PRKD1: variants seen among roughly 807,000 people sequenced by gnomAD.
PRKD1 encodes protein kinase D1, also known as serine/threonine-protein kinase D1.
PRKD1 carries 63 observed loss-of-function variants against 95.9 expected under a neutral mutation model. That is an observed-to-expected ratio of 0.66 (90% CI 0.54 to 0.81). The LOEUF is 0.81. Ranked by LOEUF, PRKD1 falls within the 30% of genes least tolerant of loss-of-function variation. PRKD1 has a pLI of 0.00. For missense variants in PRKD1, 1,048 were observed against 1,165.3 expected (o/e 0.90, Z 1.47); for synonymous variants, 425 against 423.1 (o/e 1.00, Z -0.05).
intron 13 of PRKD1, among the ~76,000 whole-genome samples, chr14:29,616,793 T>A (rs1878897591): frequency 6.6e-6 from 1 of 152,186 alleles, no homozygotes; most frequent in African/African-American, 2.4e-5. Context: ...ATTTCACACC[T>A]TTTTAAAATA....
At chr14:29,773,444 A>G (rs763111678) in intron 1 of PRKD1, among the ~76,000 whole-genome samples, 19 of 146,518 alleles carry the variant, frequency 1.3e-4, no homozygotes, top group Non-Finnish European at 2.7e-4. Context: ...TGGATGACAG[A>G]GCGAGGCTCT....
At chr14:29,617,555 G>A (rs569062423) in intron 13 of PRKD1, among the ~76,000 whole-genome samples, 3 of 152,080 alleles carry the variant, frequency 2.0e-5, no homozygotes, top group Admixed American at 2.0e-4. Flanking sequence ...CTCTAGTATT[G>A]TTCTAGTATC....
At chr14:29,909,773 G>A (rs1458199227) in intron 1 of PRKD1, among the ~76,000 whole-genome samples, 4 of 152,050 alleles carry the variant, frequency 2.6e-5, no homozygotes, top group African/African-American at 7.2e-5. Context: ...TGGGGACTTG[G>A]AGAATCTTTA....
intron 1 of PRKD1, among the ~76,000 whole-genome samples, chr14:29,764,292 A>C (rs1030599656): frequency 6.6e-6 from 1 of 152,178 alleles, no homozygotes; most frequent in Non-Finnish European, 1.5e-5. Flanking sequence ...AAAAATCTAA[A>C]AAGTACTATT....
intron 1 of PRKD1, among the ~76,000 whole-genome samples, chr14:29,863,217 TTAGG>T (rs1367772440): frequency 6.6e-6 from 1 of 152,176 alleles, no homozygotes; most frequent in African/African-American, 2.4e-5. Context: ...TTACAGACAT[TTAGG>T]TAGGTCCCTT....
chr14:29,611,176 C>T (rs1226624342), intron 13 of PRKD1, among the ~76,000 whole-genome samples: 1 of 152,148 alleles, frequency 6.6e-6, no homozygotes, highest in Non-Finnish European at 1.5e-5. Flanking sequence ...AAGGTGGGTT[C>T]ATCCACTCTA....
At position 29,813,814 on chromosome 14, in the gene PRKD1, C is replaced by T. The variant is rs577470636; in HGVS notation, c.265-88140G>A. Among the ~76,000 whole-genome samples, 20 of 152,296 alleles carry T rather than the reference C, an allele frequency of 1.3e-4. 1 individual carries two copies. The East Asian group carries it at 3.5e-3, about 26-fold the overall frequency. On this transcript the variant is annotated intron_variant, in intron 1 of 17. Transcript: ENST00000331968. ...ATCTACCATTTCTTGCTCTGTCAGA[C>T]GATGTTCATAGCCAAGATCAACCCA...
chr14:29,614,212 T>A (rs1412311495), intron 13 of PRKD1, among the ~76,000 whole-genome samples: 3 of 152,212 alleles, frequency 2.0e-5, no homozygotes, highest in African/African-American at 7.2e-5. Flanking sequence ...AAATTTGAAA[T>A]ACTGTGTTGG....
chr14:29,734,437 T>C (rs1263453911), intron 1 of PRKD1, among the ~76,000 whole-genome samples: 1 of 152,192 alleles, frequency 6.6e-6, no homozygotes, highest in Admixed American at 6.5e-5. Context: ...TTGACATTTG[T>C]CTTGGCAGAA....
chr14:29,735,430 C>T (rs1238127551), intron 1 of PRKD1, among the ~76,000 whole-genome samples: 1 of 152,146 alleles, frequency 6.6e-6, no homozygotes, highest in Non-Finnish European at 1.5e-5. Context: ...ATATCCTTTC[C>T]TAAACCTTGG....
At position 29,578,348 on chromosome 14, in the gene PRKD1, A is replaced by G. The variant is rs1029672970; in HGVS notation, c.2447T>C (p.Ile816Thr). ...KEISHEAIDL[I>T]NNLLQVKMRK... ...CATTTTTACTTGCAGCAAATTGTTG[A>G]TAAGATCAATGGCTGAAAAAAATTA... The change falls in exon 17 of 18, where the codon ATC becomes ACC. Residue 816 changes from isoleucine to threonine, a missense_variant. Physicochemically the swap from Ile to Thr is moderately conservative, Grantham distance 89. Coordinates refer to ENST00000331968, the MANE Select transcript of PRKD1 (RefSeq NM_002742.3). 3 of 1,610,270 alleles carry G rather than the reference A, an allele frequency of 1.9e-6. No homozygotes were observed. The Admixed American group carries it at 5.0e-5, about 27-fold the overall frequency.
At chr14:29,741,840 A>G (rs988465764) in intron 1 of PRKD1, among the ~76,000 whole-genome samples, 1 of 151,794 alleles carries the variant, frequency 6.6e-6, no homozygotes, top group Non-Finnish European at 1.5e-5. Flanking sequence ...ACCTATATTC[A>G]GTGACAAACT....
intron 1 of PRKD1, among the ~76,000 whole-genome samples, chr14:29,740,356 GT>G (rs1886932899): frequency 6.6e-6 from 1 of 152,076 alleles, no homozygotes; most frequent in Non-Finnish European, 1.5e-5. Flanking sequence ...AACTAAAAAA[GT>G]TTAACCAAAA....
intron 1 of PRKD1, among the ~76,000 whole-genome samples, chr14:29,844,133 T>C (rs1463050943): frequency 2.0e-5 from 3 of 152,192 alleles, no homozygotes; most frequent in Non-Finnish European, 4.4e-5. Flanking sequence ...CTCCAGATTT[T>C]CTTTAAGGGC....
At chr14:29,786,815 T>C (rs996453492) in intron 1 of PRKD1, among the ~76,000 whole-genome samples, 3 of 152,164 alleles carry the variant, frequency 2.0e-5, no homozygotes, top group African/African-American at 7.2e-5. Flanking sequence ...ATTCTTGTTT[T>C]TTAGTGTCTA....
chr14:29,652,009 G>T (rs956850750), intron 4 of PRKD1, among the ~76,000 whole-genome samples: 1 of 152,210 alleles, frequency 6.6e-6, no homozygotes, highest in South Asian at 2.1e-4. Flanking sequence ...GCCTCCCAAA[G>T]TGTTGGGATT....
At chr14:29,591,384 T>G (rs986843278) in intron 16 of PRKD1, 1 of 152,206 alleles carries the variant, frequency 6.6e-6, no homozygotes, top group Admixed American at 6.5e-5. Context: ...TAACTTTGAA[T>G]ATCAGAAACT....
chr14:29,805,731 A>G (rs1890204938), intron 1 of PRKD1, among the ~76,000 whole-genome samples: 1 of 152,208 alleles, frequency 6.6e-6, no homozygotes, highest in African/African-American at 2.4e-5. Flanking sequence ...TGGGTGGTAG[A>G]GCCAAGAGCC....
intron 1 of PRKD1, among the ~76,000 whole-genome samples, chr14:29,905,038 A>C (rs1894447025): frequency 6.6e-6 from 1 of 152,198 alleles, no homozygotes; most frequent in South Asian, 2.1e-4. Flanking sequence ...TTTCAGGTAC[A>C]CCACAACGGG....
Sources: gnomAD v4.1 joint callset for allele counts (sites outside exome capture counted in the v4.1 genomes callset) on GRCh38, gnomAD v4.1.1 for gene constraint, MANE v1.5 for transcripts, NCBI Gene and HGNC (gene_info 2026-07-23, HGNC 2026-07-21) for gene names.